Variants in RIMS2 observed in about 807,000 individuals in gnomAD.
RIMS2 encodes the protein regulating synaptic membrane exocytosis protein 2.
RIMS2 carries 59 observed loss-of-function variants against 174.4 expected under a neutral mutation model. The ratio of observed to expected loss-of-function variants is 0.34; its 90% CI spans 0.27 to 0.42. The LOEUF is 0.42. Among genes scored for constraint, RIMS2 ranks in the 10% least tolerant of loss-of-function variants. The pLI is 1.00. For synonymous variants in RIMS2, 606 were observed against 572.5 expected (o/e 1.06, Z -0.84); for missense variants, 1,620 against 1,666.3 (o/e 0.97, Z 0.48).
chr8:104,140,527 G>C (rs1017138655), intron 19 of RIMS2, among the ~76,000 whole-genome samples: 2 of 152,072 alleles, frequency 1.3e-5, no homozygotes, highest in Non-Finnish European at 2.9e-5. Flanking sequence ...TGCCTAAATG[G>C]AGGCTTTGCA....
chr8:104,217,935 C>A (rs1463688113), intron 19 of RIMS2, among the ~76,000 whole-genome samples: 1 of 152,054 alleles, frequency 6.6e-6, no homozygotes, highest in African/African-American at 2.4e-5. Flanking sequence ...AATTTAGGAT[C>A]CTGAGGGTTG....
At position 104,229,151 on chromosome 8, in the gene RIMS2, A is replaced by T. The variant is rs192056177; in HGVS notation, c.3335-15765A>T. ...AACAGGAATTAGTTTCCCTGTAGAA[A>T]CATCTTATATATAATGACTTATGAA... On this transcript the variant is annotated intron_variant, in intron 19 of 23. Transcript: ENST00000504942. Among the ~76,000 whole-genome samples, 625 of 152,322 alleles carry T rather than the reference A, an allele frequency of 4.1e-3. 5 individuals carry two copies. Among genetic ancestry groups the T allele is most frequent in the Non-Finnish European group, 5.2e-3 (355 of 68,024 alleles).
chr8:103,827,536 T>C (rs2098798899), intron 3 of RIMS2, among the ~76,000 whole-genome samples: 1 of 152,136 alleles, frequency 6.6e-6, no homozygotes, highest in South Asian at 2.1e-4. Context: ...TAATAGTTTT[T>C]AAAAAATAAT....
At chr8:103,843,674 C>T (rs1334436652) in intron 3 of RIMS2, among the ~76,000 whole-genome samples, 3 of 152,142 alleles carry the variant, frequency 2.0e-5, no homozygotes, top group Admixed American at 2.0e-4. Context: ...TATTTCCCAT[C>T]TATAATACTT....
At chr8:103,525,400 C>G (rs1372049621) in intron 1 of RIMS2, among the ~76,000 whole-genome samples, 1 of 152,180 alleles carries the variant, frequency 6.6e-6, no homozygotes, top group East Asian at 1.9e-4. Flanking sequence ...CTCTGGATAG[C>G]TGTTTGCAGA....
At chr8:104,238,554 A>G (rs931967475) in intron 19 of RIMS2, among the ~76,000 whole-genome samples, 5 of 152,140 alleles carry the variant, frequency 3.3e-5, no homozygotes, top group Non-Finnish European at 5.9e-5. Flanking sequence ...GACAATTGTT[A>G]TATTTAAATT....
chr8:104,068,538 C>T (rs565054494), intron 19 of RIMS2: 9 of 1,555,668 alleles, frequency 5.8e-6, no homozygotes, highest in African/African-American at 5.4e-5. Flanking sequence ...GGAGAGAAAT[C>T]GCCAAATGAA....
At chr8:104,084,902 G>A (rs2097508366) in intron 19 of RIMS2, among the ~76,000 whole-genome samples, 1 of 152,106 alleles carries the variant, frequency 6.6e-6, no homozygotes. Context: ...CCTAGTAAGT[G>A]GAAGAGCAGT....
chr8:103,674,419 C>A (rs1159341494), intron 1 of RIMS2, among the ~76,000 whole-genome samples: 1 of 152,122 alleles, frequency 6.6e-6, no homozygotes, highest in Non-Finnish European at 1.5e-5. Context: ...CTTTTGACCA[C>A]ACAAGATTTT....
chr8:103,777,469 T>A (rs1046711475), intron 3 of RIMS2, among the ~76,000 whole-genome samples: 1 of 152,012 alleles, frequency 6.6e-6, no homozygotes, highest in African/African-American at 2.4e-5. Flanking sequence ...AAAGGAGTTT[T>A]GTACTGGCTT....
At chr8:103,838,437 G>A (rs535767641) in intron 3 of RIMS2, among the ~76,000 whole-genome samples, 52 of 152,144 alleles carry the variant, frequency 3.4e-4, no homozygotes, top group Non-Finnish European at 7.4e-4. Context: ...AAAAGGAGAA[G>A]CCAAAGAAAA....
At chr8:103,661,270 T>C (rs2096596744) in intron 1 of RIMS2, among the ~76,000 whole-genome samples, 2 of 152,198 alleles carry the variant, frequency 1.3e-5, no homozygotes, top group South Asian at 4.1e-4. Flanking sequence ...TATTGATCAG[T>C]TTTACTATTG....
At chr8:103,983,315 A>G (rs779957626) in intron 16 of RIMS2, among the ~76,000 whole-genome samples, 9 of 152,238 alleles carry the variant, frequency 5.9e-5, no homozygotes, top group Non-Finnish European at 1.2e-4. Flanking sequence ...TAAACTTTCT[A>G]TACTACCCAA....
At chr8:104,052,166 G>C (rs2096797542) in intron 19 of RIMS2, among the ~76,000 whole-genome samples, 1 of 152,144 alleles carries the variant, frequency 6.6e-6, no homozygotes, top group Non-Finnish European at 1.5e-5. Flanking sequence ...ATTGATTGTG[G>C]TGAGTTTACA....
intron 19 of RIMS2, chr8:104,041,348 A>G (rs1407653475): frequency 1.4e-6 from 1 of 696,274 alleles, no homozygotes; most frequent in South Asian, 1.5e-5. Context: ...CTACAAGGAG[A>G]AGATATGCAG....
intron 19 of RIMS2, among the ~76,000 whole-genome samples, chr8:104,240,571 T>G (rs1265055625): frequency 6.6e-6 from 1 of 152,244 alleles, no homozygotes; most frequent in African/African-American, 2.4e-5. Flanking sequence ...TATTTGATTA[T>G]GTCAGATGAT....
At chr8:103,980,542 A>C (rs181826038) in intron 16 of RIMS2, among the ~76,000 whole-genome samples, 119 of 152,146 alleles carry the variant, frequency 7.8e-4, no homozygotes, top group African/African-American at 2.6e-3. Flanking sequence ...TTTGAGAAAA[A>C]CAGAGAGAAA....
At chr8:103,633,299 G>T (rs140436224) in intron 1 of RIMS2, among the ~76,000 whole-genome samples, 1 of 150,596 alleles carries the variant, frequency 6.6e-6, no homozygotes, top group East Asian at 2.0e-4. Context: ...CACCTGCCTC[G>T]ATTTCCCAAA....
chr8:103,770,124 A>G (rs2098233762), intron 3 of RIMS2, among the ~76,000 whole-genome samples: 1 of 152,190 alleles, frequency 6.6e-6, no homozygotes, highest in African/African-American at 2.4e-5. Context: ...AGGGGTCAGC[A>G]AACTATGAAC....
Sources: gnomAD v4.1 joint callset for allele counts (sites outside exome capture counted in the v4.1 genomes callset) on GRCh38, gnomAD v4.1.1 for gene constraint, MANE v1.5 for transcripts, NCBI Gene and HGNC (gene_info 2026-07-23, HGNC 2026-07-21) for gene names.